ZNF704: variants seen among roughly 807,000 people sequenced by gnomAD.
ZNF704 encodes glucocorticoid induced gene 1.
Under a neutral mutation model 44.7 loss-of-function variants are expected in ZNF704, and 10 were observed. The ratio of observed to expected loss-of-function variants is 0.22; its 90% CI spans 0.14 to 0.38. The LOEUF (loss-of-function observed/expected upper bound fraction) is 0.38, where lower values mean the gene tolerates loss of function less well. ZNF704 is among the 10% of genes least tolerant of loss of function. The pLI is 1.00. For synonymous variants in ZNF704, 211 were observed against 207.6 expected, an observed-to-expected ratio of 1.02 and a Z score of -0.14; for missense variants, 390 against 545.5, an observed-to-expected ratio of 0.71 and a Z score of 2.84.
chr8:80,693,544 A>G (rs939777826), intron 2 of ZNF704, among the ~76,000 whole-genome samples: 2 of 152,232 alleles, frequency 1.3e-5, no homozygotes, highest in Non-Finnish European at 2.9e-5. Flanking sequence ...GGCTAACGTG[A>G]CAGTGCCTGC....
At chr8:80,809,029 C>A (rs1282085021) in intron 2 of ZNF704, among the ~76,000 whole-genome samples, 4 of 152,190 alleles carry the variant, frequency 2.6e-5, no homozygotes, top group Non-Finnish European at 5.9e-5. Context: ...CGGTGCCTGA[C>A]ATCTGTAATC....
chr8:80,727,922 A>T (rs1806512977), intron 2 of ZNF704, among the ~76,000 whole-genome samples: 1 of 152,196 alleles, frequency 6.6e-6, no homozygotes. Flanking sequence ...AGAGCTTATC[A>T]GTAAATAAGT....
At chr8:80,740,196 C>A (rs367848349) in intron 2 of ZNF704, among the ~76,000 whole-genome samples, 1 of 152,072 alleles carries the variant, frequency 6.6e-6, no homozygotes, top group African/African-American at 2.4e-5. Flanking sequence ...TCTAATTATG[C>A]CTGAAAGCCC....
intron 1 of ZNF704, among the ~76,000 whole-genome samples, chr8:80,839,811 G>A (rs1182727874): frequency 1.3e-5 from 2 of 152,054 alleles, no homozygotes; most frequent in Non-Finnish European, 2.9e-5. Flanking sequence ...TCCTGCCTGT[G>A]GGCTCTGGGC....
intron 2 of ZNF704, among the ~76,000 whole-genome samples, chr8:80,709,831 A>AAGC (rs1353639150): frequency 6.6e-6 from 1 of 152,164 alleles, no homozygotes; most frequent in Non-Finnish European, 1.5e-5. Flanking sequence ...CGTGGATCTG[A>AAGC]AGCAGCAGCA....
chr8:80,883,733 T>A, the ZNF704 span, among the ~76,000 whole-genome samples: 1 of 152,228 alleles, frequency 6.6e-6, no homozygotes, highest in Non-Finnish European at 1.5e-5. Context: ...TTTTTTCTCA[T>A]CTATCTACCT....
intron 7 of ZNF704, among the ~76,000 whole-genome samples, chr8:80,652,784 C>T (rs995314825): frequency 3.3e-5 from 5 of 152,054 alleles, no homozygotes; most frequent in Non-Finnish European, 5.9e-5. Context: ...TTCCAATCAA[C>T]AGAAAAAGAG....
chr8:80,849,899 T>C (rs1808829428), intron 1 of ZNF704, among the ~76,000 whole-genome samples: 1 of 152,244 alleles, frequency 6.6e-6, no homozygotes, highest in Non-Finnish European at 1.5e-5. Context: ...TTACTGGAAT[T>C]CAACTTTTTC....
At chr8:80,844,385 GAGGGCTACCT>G (rs1437834519) in intron 1 of ZNF704, among the ~76,000 whole-genome samples, 1 of 152,158 alleles carries the variant, frequency 6.6e-6, no homozygotes, top group East Asian at 1.9e-4. Flanking sequence ...ATGGTGGAAA[GAGGGCTACCT>G]AGCTCTCTGG....
intron 1 of ZNF704, among the ~76,000 whole-genome samples, chr8:80,826,945 A>T (rs548697241): frequency 2.6e-5 from 4 of 152,232 alleles, no homozygotes; most frequent in Non-Finnish European, 5.9e-5. Flanking sequence ...AGAGCTATTT[A>T]TGACAAACCC....
chr8:80,661,833 C>T (rs1818106799), intron 6 of ZNF704, among the ~76,000 whole-genome samples: 1 of 151,970 alleles, frequency 6.6e-6, no homozygotes, highest in Admixed American at 6.6e-5. Flanking sequence ...TTAGTAGGTA[C>T]AAACATACAG....
At chr8:80,745,497 A>C (rs1806829434) in intron 2 of ZNF704, among the ~76,000 whole-genome samples, 1 of 152,154 alleles carries the variant, frequency 6.6e-6, no homozygotes, top group Non-Finnish European at 1.5e-5. Context: ...CAGGAGAAAT[A>C]CCATTATGTA....
intron 5 of ZNF704, among the ~76,000 whole-genome samples, chr8:80,666,010 T>C (rs371543980): frequency 2.0e-5 from 3 of 152,072 alleles, no homozygotes; most frequent in South Asian, 2.1e-4. Flanking sequence ...CATGTGCACA[T>C]TGTGCAGGTT....
At chr8:80,707,776 A>C (rs1818919782) in intron 2 of ZNF704, among the ~76,000 whole-genome samples, 1 of 152,200 alleles carries the variant, frequency 6.6e-6, no homozygotes. Flanking sequence ...TATAGTCAAT[A>C]GTTTTATTTC....
chr8:80,862,513 A>G (rs1169140622), intron 1 of ZNF704, among the ~76,000 whole-genome samples: 1 of 150,488 alleles, frequency 6.6e-6, no homozygotes, highest in Non-Finnish European at 1.5e-5. Context: ...GCACTCCAGC[A>G]CTTTGGGAGG....
chr8:80,851,964 G>A (rs1304164912), intron 1 of ZNF704, among the ~76,000 whole-genome samples: 1 of 152,236 alleles, frequency 6.6e-6, no homozygotes, highest in South Asian at 2.1e-4. Flanking sequence ...CATTTAGAGA[G>A]TAAGGACTGA....
rs143246733 is a variant in ZNF704, at chr8:80,844,770, C to A, written c.-21-23155G>T. Among the ~76,000 whole-genome samples the A allele has an allele frequency of 5.3e-3, 809 of 152,162 alleles. 15 individuals carry two copies. In the South Asian group the frequency reaches 0.054, roughly 10 times the overall value. Reference sequence around the variant, plus strand: ...TATTAAAATTTTATGTAGAGACAATCAAAAGTTATAGTTTAAAAAATCTTT... The same window carrying A: ...TATTAAAATTTTATGTAGAGACAATAAAAAGTTATAGTTTAAAAAATCTTT... On this transcript the variant is annotated intron_variant, in intron 1 of 8. Coordinates refer to ENST00000327835, the MANE Select transcript of ZNF704 (RefSeq NM_001033723.3).
chr8:80,700,857 A>G (rs1818798952), intron 2 of ZNF704, among the ~76,000 whole-genome samples: 1 of 152,026 alleles, frequency 6.6e-6, no homozygotes, highest in Non-Finnish European at 1.5e-5. Flanking sequence ...GTCACTTGCC[A>G]TTGCCCCACT....
At chr8:80,762,504 C>T (rs942441940) in intron 2 of ZNF704, among the ~76,000 whole-genome samples, 1 of 152,176 alleles carries the variant, frequency 6.6e-6, no homozygotes, top group Non-Finnish European at 1.5e-5. Flanking sequence ...AACCCACTCA[C>T]TGTCACGAGA....
Sources: gnomAD v4.1 joint callset for allele counts (sites outside exome capture counted in the v4.1 genomes callset) on GRCh38, gnomAD v4.1.1 for gene constraint, MANE v1.5 for transcripts, NCBI Gene and HGNC (gene_info 2026-07-23, HGNC 2026-07-21) for gene names.